The following CDK12 variants were observed in gnomAD, a reference collection of about 807,000 sequenced individuals.
CDK12 encodes the protein cyclin dependent kinase 12, also known as cyclin-dependent kinase 12.
Under a neutral mutation model 133.8 loss-of-function variants are expected in CDK12, and 17 were observed. The ratio of observed to expected loss-of-function variants is 0.13; its 90% CI spans 0.09 to 0.19. The LOEUF (loss-of-function observed/expected upper bound fraction) is 0.19, where lower values mean the gene tolerates loss of function less well. CDK12 is among the 10% of genes least tolerant of loss of function. CDK12 has a pLI of 1.00. For synonymous variants in CDK12, 694 were observed against 683.6 expected, an observed-to-expected ratio of 1.02 and a Z score of -0.24; for missense variants, 1,508 against 1,818.7, an observed-to-expected ratio of 0.83 and a Z score of 3.11.
At position 39,461,842 on chromosome 17, in the gene CDK12, C is replaced by G. The variant is rs1181278963; in HGVS notation, c.-230C>G. 1.8e-6 allele frequency: 1 copy of G among 569,944 alleles called. No individual in the cohort carries two copies. Among genetic ancestry groups the G allele is most frequent in the Non-Finnish European group, 3.1e-6 (1 of 318,782 alleles). 35.3% of individuals were successfully genotyped at this position (569,944 alleles called of 1,614,324 possible). A position where few individuals can be genotyped will look rare whatever the true frequency, so the allele number is the denominator to read the frequency against. ...AGCAGCTCCCCGTTGTCTCGCAACT[C>G]CACTGCCGAGGAACTCTCATTTCTT... On this transcript the variant is annotated 5_prime_UTR_variant, in exon 1 of 14. Coordinates refer to ENST00000447079, the MANE Select transcript of CDK12 (RefSeq NM_016507.4).
chr17:39,515,257 G>T (rs957777100), intron 8 of CDK12, among the ~76,000 whole-genome samples: 1 of 152,170 alleles, frequency 6.6e-6, no homozygotes, highest in Non-Finnish European at 1.5e-5. Flanking sequence ...GCTGATGACA[G>T]TAAATTATTT....
At chr17:39,545,544 G>A (rs2055646914), upstream of CDK12, among the ~76,000 whole-genome samples, 1 of 147,178 alleles carries the variant, frequency 6.8e-6, no homozygotes, top group African/African-American at 2.5e-5. Context: ...TGTTGCCCAG[G>A]CTGGAGCGAA....
At chr17:39,494,835 T>C (rs2145921595) in intron 5 of CDK12, 141 bp downstream of exon 5, 1 of 629,746 alleles carries the variant, frequency 1.6e-6, no homozygotes. Context: ...AGTGGTGCGA[T>C]TTCAGGTCAC....
At chr17:39,528,518 AG>A (rs1282484667) in intron 13 of CDK12, among the ~76,000 whole-genome samples, 39 of 151,970 alleles carry the variant, frequency 2.6e-4, no homozygotes, top group African/African-American at 9.2e-4. Context: ...TATTTTTAGT[AG>A]AGACGGGGTT....
At chr17:39,513,321 T>TCCTCTATTAATGTC (rs1432311326) in intron 8 of CDK12, among the ~76,000 whole-genome samples, 4 of 152,334 alleles carry the variant, frequency 2.6e-5, no homozygotes, top group African/African-American at 9.6e-5. Context: ...TTCTTTTCCT[T>TCCTCTATTAATGTC]CCTCTATTAA....
At position 39,512,618 on chromosome 17, in the gene CDK12, C is replaced by T. The variant is rs117978099; in HGVS notation, c.2768+988C>T. 9.8e-5 allele frequency among the ~76,000 whole-genome samples: 15 copies of T among 152,286 alleles called. No individual in the cohort carries two copies. The East Asian group carries it at 2.9e-3, about 29-fold the overall frequency. ...TAATTGTCTTTTTTTGGGATGTTAA[C>T]AGTTACTTGGCCATTGCCCACATCT... On this transcript the variant is annotated intron_variant, in intron 8 of 13. Coordinates refer to ENST00000447079, the MANE Select transcript of CDK12 (RefSeq NM_016507.4).
intron 2 of CDK12, among the ~76,000 whole-genome samples, chr17:39,554,037 T>C (rs976734077): frequency 2.0e-5 from 3 of 152,196 alleles, no homozygotes; most frequent in Non-Finnish European, 4.4e-5. Context: ...AGGCCAGTTA[T>C]TCTTGCCCTA....
chr17:39,487,630 T>C (rs1419361428), intron 2 of CDK12, among the ~76,000 whole-genome samples: 5 of 148,088 alleles, frequency 3.4e-5, no homozygotes, highest in African/African-American at 1.3e-4. Flanking sequence ...TTTTTTTTTT[T>C]TTTTGAGATA....
At position 39,502,378 on chromosome 17, in the gene CDK12, C is replaced by T. The variant is rs2052784202; in HGVS notation, c.2609+939C>T. On this transcript the variant is annotated intron_variant, in intron 6 of 13. Transcript: ENST00000447079. ...CCATGTTAGCCAGGATGGTCTCTAT[C>T]TCCTGACCTCGTGATCCGCCCACCT... Among the ~76,000 whole-genome samples, 6 of 152,218 alleles carry T rather than the reference C, an allele frequency of 3.9e-5. No individual in the cohort carries two copies. The South Asian group carries it at 1.2e-3, about 32-fold the overall frequency.
Position 39,501,244 on chromosome 17 carries a change from A to C in CDK12, c.2420-6A>C, listed in dbSNP as rs745427057. 6.7e-7 allele frequency: 1 copy of C among 1,483,072 alleles called. No individual in the cohort carries two copies. Among genetic ancestry groups the C allele is most frequent in the Non-Finnish European group, 8.9e-7 (1 of 1,117,950 alleles). 91.9% of individuals were successfully genotyped at this position (1,483,072 alleles called of 1,614,324 possible). On this transcript the variant is annotated splice_polypyrimidine_tract_variant and splice_region_variant and intron_variant, in intron 5 of 13. Transcript: ENST00000447079. ...TTGCTTTTAATTTTTTTTCGTCTTT[A>C]TGTAGGTGCCTTTTACCTTGTATTT...
chr17:39,496,159 C>T (rs1211022336), intron 5 of CDK12, among the ~76,000 whole-genome samples: 1 of 152,118 alleles, frequency 6.6e-6, no homozygotes, highest in Non-Finnish European at 1.5e-5. Context: ...CAGTCATCCA[C>T]CTCAGCCTGC....
downstream of CDK12, among the ~76,000 whole-genome samples, chr17:39,566,602 A>T (rs933093304): frequency 6.6e-6 from 1 of 151,802 alleles, no homozygotes; most frequent in African/African-American, 2.4e-5. Context: ...ACCTCTTCCA[A>T]CCCGAGCCTT....
At position 39,490,589 on chromosome 17, in the gene CDK12, A is replaced by C. The variant is rs1185485635; in HGVS notation, c.1964A>C (p.Lys655Thr). 5 of 1,612,944 alleles carry C rather than the reference A, an allele frequency of 3.1e-6. No homozygotes were observed. The Middle Eastern group carries it at 5.0e-4, about 160-fold the overall frequency. ...GAAACTCTTCCTTCAAAACCTGTGA[A>C]GAAAGAGAAGGAACAGAGGACACGT... ...PKETLPSKPV[K>T]KEKEQRTRHL... Residue 655 changes from lysine (K) to threonine (T), a missense_variant, in exon 3 of 14, where the codon AAG (lysine) becomes ACG (threonine). Around this residue, in one of 9 missense-constraint regions of CDK12, gnomAD observed 347 missense variants for 330.8 expected, o/e 1.05. Coordinates refer to ENST00000447079, the MANE Select transcript of CDK12 (RefSeq NM_016507.4).
At chr17:39,466,406 G>C (rs1181346665) in intron 1 of CDK12, among the ~76,000 whole-genome samples, 1 of 151,022 alleles carries the variant, frequency 6.6e-6, no homozygotes, top group Non-Finnish European at 1.5e-5. Flanking sequence ...CCTGAGGTCG[G>C]GAGTTCGAGA....
At chr17:39,477,580 T>TA (rs1567698374) in intron 2 of CDK12, among the ~76,000 whole-genome samples, 2 of 146,926 alleles carry the variant, frequency 1.4e-5, no homozygotes, top group Non-Finnish European at 3.0e-5. Context: ...ATTTATTTTT[T>TA]TTTTTTTTTT....
At chr17:39,554,850 C>T (rs1053341501) in intron 2 of CDK12, among the ~76,000 whole-genome samples, 6 of 145,228 alleles carry the variant, frequency 4.1e-5, no homozygotes, top group African/African-American at 2.6e-5. Flanking sequence ...CGCGCCACTG[C>T]GCTCCAGCCT....
chr17:39,473,070 C>A (rs140385867), intron 2 of CDK12, among the ~76,000 whole-genome samples: 2 of 150,518 alleles, frequency 1.3e-5, no homozygotes, highest in African/African-American at 2.4e-5. Context: ...AGCGAGACTC[C>A]GTCTTAAAAA....
chr17:39,522,002 C>T (rs963657847), intron 11 of CDK12, among the ~76,000 whole-genome samples: 5 of 152,134 alleles, frequency 3.3e-5, no homozygotes, highest in Non-Finnish European at 5.9e-5. Flanking sequence ...GCTTGGCCTC[C>T]CTCTGGTTTT....
chr17:39,495,620 A>C (rs1333207098), intron 5 of CDK12, among the ~76,000 whole-genome samples: 1 of 150,334 alleles, frequency 6.7e-6, no homozygotes. Context: ...CAAAACCCTG[A>C]CTCTACTAAA....
Sources: allele counts gnomAD v4.1 joint callset (sites outside exome capture counted in the v4.1 genomes callset), GRCh38; gene constraint gnomAD v4.1.1; regional missense constraint gnomAD v4.1.1; transcripts MANE v1.5; gene names NCBI Gene and HGNC (gene_info 2026-07-23, HGNC 2026-07-21).